PAPPA2: variants seen among roughly 807,000 people sequenced by gnomAD.
PAPPA2 encodes the protein pappalysin 2.
A neutral mutation model predicts 176.4 loss-of-function variants in PAPPA2; 86 were observed. The ratio of observed to expected loss-of-function variants is 0.49; its 90% CI spans 0.41 to 0.58. The LOEUF (loss-of-function observed/expected upper bound fraction) is 0.58, where lower values mean the gene tolerates loss of function less well. Ranked by LOEUF, PAPPA2 falls within the 20% of genes least tolerant of loss-of-function variation. PAPPA2 has a pLI of 0.00. For missense variants in PAPPA2, 2,073 were observed against 2,256.9 expected (o/e 0.92, Z 1.65); for synonymous variants, 809 against 852.2 (o/e 0.95, Z 0.88).
intron 12 of PAPPA2, among the ~76,000 whole-genome samples, chr1:176,722,419 C>CTTTTTTTTTTTTTTTTTTTTTTTTTTT: frequency 8.1e-6 from 1 of 124,032 alleles, no homozygotes; most frequent in Non-Finnish European, 1.7e-5. Flanking sequence ...TATACATTTC[C>CTTTTTTTTTTTTTTTTTTTTTTTTTTT]TTTTTTTTTT....
intron 17 of PAPPA2, among the ~76,000 whole-genome samples, chr1:176,788,547 G>A (rs1665041050): frequency 6.6e-6 from 1 of 152,202 alleles, no homozygotes; most frequent in African/African-American, 2.4e-5. Context: ...AACCAGGAGT[G>A]TTTTTCATTA....
intron 21 of PAPPA2, among the ~76,000 whole-genome samples, chr1:176,801,676 G>C (rs2102950671): frequency 6.6e-6 from 1 of 152,068 alleles, no homozygotes; most frequent in African/African-American, 2.4e-5. Context: ...AGGGAAGGAG[G>C]GAGATAAACA....
intron 1 of PAPPA2, among the ~76,000 whole-genome samples, chr1:176,518,472 AAC>A (rs1558413562): frequency 4.6e-5 from 7 of 151,850 alleles, no homozygotes; most frequent in African/African-American, 1.7e-4. Flanking sequence ...AAAAAAAACA[AAC>A]AAACTTACCA....
At chr1:176,520,893 T>A (rs141353988) in intron 1 of PAPPA2, among the ~76,000 whole-genome samples, 10 of 152,200 alleles carry the variant, frequency 6.6e-5, no homozygotes, top group African/African-American at 2.2e-4. Context: ...AGCAGGAGGA[T>A]CACCTGAGCC....
At chr1:176,551,010 C>T (rs1650916094) in intron 1 of PAPPA2, among the ~76,000 whole-genome samples, 1 of 152,176 alleles carries the variant, frequency 6.6e-6, no homozygotes, top group Non-Finnish European at 1.5e-5. Flanking sequence ...GGCAAAAAAG[C>T]TGGGCAGAGA....
intron 1 of PAPPA2, among the ~76,000 whole-genome samples, chr1:176,532,695 C>T (rs77281709): frequency 0.027 from 4,089 of 152,262 alleles, 91 homozygotes; most frequent in Non-Finnish European, 0.04. Flanking sequence ...TCACTTCAGA[C>T]GCAGTAAGGG....
intron 14 of PAPPA2, among the ~76,000 whole-genome samples, chr1:176,757,353 T>A (rs140314934): frequency 0.011 from 1,749 of 152,306 alleles, 40 homozygotes; most frequent in African/African-American, 0.04. Context: ...TTTCTCCACA[T>A]CCTCTCCAGC....
intron 14 of PAPPA2, among the ~76,000 whole-genome samples, chr1:176,763,896 C>T (rs1663809685): frequency 6.6e-6 from 1 of 152,140 alleles, no homozygotes; most frequent in South Asian, 2.1e-4. Flanking sequence ...ATGCCTGATA[C>T]TGGGTAATTT....
intron 3 of PAPPA2, chr1:176,616,766 A>C: frequency 8.9e-7 from 1 of 1,118,742 alleles, no homozygotes; most frequent in Non-Finnish European, 1.3e-6. Flanking sequence ...CTTTCACAGG[A>C]GCTGGGTGGT....
In PAPPA2 at chr1:176,790,061, T is replaced by C. The variant is rs550787647; in HGVS notation, c.4884+84T>C. 64 of 1,475,076 alleles carry C rather than the reference T, an allele frequency of 4.3e-5. No individual in the cohort carries two copies. In the East Asian group the frequency reaches 1.4e-3, roughly 32 times the overall value. 91.4% of individuals were successfully genotyped at this position (1,475,076 alleles called of 1,614,324 possible). ...TCCAAGAAATTTGAGAAATGAAATT[T>C]CTAAAGAATTCCAACAGGCAGGGAC... On this transcript the variant is annotated intron_variant, in intron 18 of 22. Transcript: ENST00000367662.
intron 12 of PAPPA2, 134 bp from the exon 13 acceptor site, chr1:176,739,492 T>TTA: frequency 3.3e-6 from 3 of 896,586 alleles, no homozygotes; most frequent in Non-Finnish European, 4.9e-6. Context: ...CTCCATATTT[T>TTA]TAGCATTTAT....
At chr1:176,841,405 A>G (rs1478550413) in intron 22 of PAPPA2, among the ~76,000 whole-genome samples, 1 of 152,064 alleles carries the variant, frequency 6.6e-6, no homozygotes, top group Non-Finnish European at 1.5e-5. Context: ...TAATGTGCAA[A>G]TATGCTGGAA....
At chr1:176,757,953 C>T (rs1052066172) in intron 14 of PAPPA2, among the ~76,000 whole-genome samples, 2 of 152,138 alleles carry the variant, frequency 1.3e-5, no homozygotes, top group Non-Finnish European at 2.9e-5. Context: ...TAGTTCTGAA[C>T]TTACAAATAG....
intron 12 of PAPPA2, among the ~76,000 whole-genome samples, chr1:176,737,705 C>A (rs970215664): frequency 6.6e-6 from 1 of 152,062 alleles, no homozygotes; most frequent in African/African-American, 2.4e-5. Context: ...ACCTTGCCAC[C>A]AGGAACAGGC....
intron 12 of PAPPA2, among the ~76,000 whole-genome samples, chr1:176,734,064 T>A (rs1662285547): frequency 6.6e-6 from 1 of 152,156 alleles, no homozygotes; most frequent in East Asian, 1.9e-4. Flanking sequence ...TTCTTTCCAA[T>A]GAGCTGAATG....
Position 176,779,066 on chromosome 1 carries a change from A to G in PAPPA2, c.4715+7886A>G, listed in dbSNP as rs191576709. Among the ~76,000 whole-genome samples the G allele has an allele frequency of 1.3e-3, 191 of 152,292 alleles. 1 individual carries two copies. The South Asian group carries it at 0.021, about 17-fold the overall frequency. ...TTCAAACTCAGCCCTTGTTGAATTC[A>G]TAAATTTCCCTATTAACTTCAACCT... is the stretch of plus-strand genomic sequence containing the variant. On this transcript the variant is annotated intron_variant, in intron 17 of 22. Transcript: ENST00000367662.
chr1:176,759,658 G>C (rs148136852), intron 14 of PAPPA2, among the ~76,000 whole-genome samples: 1 of 152,092 alleles, frequency 6.6e-6, no homozygotes, highest in Non-Finnish European at 1.5e-5. Flanking sequence ...TGAGCTCCCC[G>C]AATATGGACC....
intron 1 of PAPPA2, among the ~76,000 whole-genome samples, chr1:176,473,704 G>C (rs986166587): frequency 6.6e-6 from 1 of 152,192 alleles, no homozygotes; most frequent in Admixed American, 6.5e-5. Context: ...GGCATTATCA[G>C]TGTTTTGGAT....
chr1:176,752,141 A>G (rs1375234517), intron 14 of PAPPA2, among the ~76,000 whole-genome samples: 3 of 136,662 alleles, frequency 2.2e-5, no homozygotes, highest in African/African-American at 5.6e-5. Flanking sequence ...GAATTGAACA[A>G]TGAGATCACA....
Sources: allele counts gnomAD v4.1 joint callset (sites outside exome capture counted in the v4.1 genomes callset), GRCh38; gene constraint gnomAD v4.1.1; transcripts MANE v1.5; gene names NCBI Gene and HGNC (gene_info 2026-07-23, HGNC 2026-07-21).